The following CDH19 variants were observed in gnomAD, a reference collection of about 807,000 sequenced individuals.
The protein encoded by CDH19 is cadherin-19.
Under a neutral mutation model 64.2 loss-of-function variants are expected in CDH19, and 67 were observed. That is an observed-to-expected ratio of 1.04 (90% confidence interval 0.86 to 1.28). The LOEUF (loss-of-function observed/expected upper bound fraction) is 1.28. Ranked by LOEUF, CDH19 falls within the 50% of genes most tolerant of loss-of-function variation. The pLI is 0.00. For missense variants in CDH19, 1,030 were observed against 929.0 expected (o/e 1.11, Z -1.41); for synonymous variants, 346 against 319.3 (o/e 1.08, Z -0.89).
At chr18:66,567,387 G>A (rs1987948812) in intron 3 of CDH19, among the ~76,000 whole-genome samples, 1 of 151,244 alleles carries the variant, frequency 6.6e-6, no homozygotes, top group Non-Finnish European at 1.5e-5. Flanking sequence ...GAGGGATGAG[G>A]AAGGTGAACT....
In CDH19 at chr18:66,502,225, T is replaced by C. The variant is rs991994461; in HGVS notation, c.*2587A>G. 1.3e-5 allele frequency: 2 copies of C among 152,068 alleles called. No individual in the cohort carries two copies. 9.4% of individuals were successfully genotyped at this position (152,068 alleles called of 1,614,324 possible). A position where few individuals can be genotyped will look rare whatever the true frequency, so the allele number is the denominator to read the frequency against. ...CTGTATTAGAATCAGATAGTATCTT[T>C]TGATGTGGTTAAAAGGAACATATTT... On this transcript the variant is annotated 3_prime_UTR_variant, in exon 12 of 12. Coordinates refer to ENST00000262150, the MANE Select transcript of CDH19 (RefSeq NM_021153.4).
chr18:66,524,243 A>G (rs1986119675), intron 9 of CDH19, among the ~76,000 whole-genome samples: 2 of 152,008 alleles, frequency 1.3e-5, no homozygotes, highest in South Asian at 4.1e-4. Flanking sequence ...ACACCTGTAA[A>G]TATTTTTTAA....
At chr18:66,569,271 TCTC>T (rs1988024288) in intron 2 of CDH19, among the ~76,000 whole-genome samples, 1 of 151,730 alleles carries the variant, frequency 6.6e-6, no homozygotes, top group Non-Finnish European at 1.5e-5. Flanking sequence ...CTCAAGTAAT[TCTC>T]ATATCAATAT....
At chr18:66,553,307 G>A (rs2144520213) in intron 4 of CDH19, among the ~76,000 whole-genome samples, 1 of 134,016 alleles carries the variant, frequency 7.5e-6, no homozygotes, top group East Asian at 1.9e-4. Context: ...TTCTAGACCT[G>A]AATGTGTGAG....
intron 3 of CDH19, among the ~76,000 whole-genome samples, chr18:66,565,755 A>T (rs1246027474): frequency 6.6e-6 from 1 of 152,014 alleles, no homozygotes; most frequent in African/African-American, 2.4e-5. Context: ...GCAAAGCAAT[A>T]GAAATATTCC....
chr18:66,543,954 T>G lies in CDH19; in HGVS notation c.1214+17A>C. On this transcript the variant is annotated intron_variant, in intron 7 of 11. Coordinates refer to ENST00000262150, the MANE Select transcript of CDH19 (RefSeq NM_021153.4). ...ATTTACTTATTTATTAATGCAAAACTGACCTTACAGACATACCTGATAGGA... is the reference window on the plus strand; with the variant it reads ...ATTTACTTATTTATTAATGCAAAACGGACCTTACAGACATACCTGATAGGA... 3 of 1,563,710 alleles carry G rather than the reference T, an allele frequency of 1.9e-6. No homozygotes were observed. Among genetic ancestry groups the G allele is most frequent in the Non-Finnish European group, 2.6e-6 (3 of 1,154,518 alleles).
At chr18:66,583,680 C>T (rs2069048866) in intron 1 of CDH19, among the ~76,000 whole-genome samples, 1 of 152,004 alleles carries the variant, frequency 6.6e-6, no homozygotes, top group Non-Finnish European at 1.5e-5. Context: ...ACCAAGGAAA[C>T]AGAATACAGA....
rs1221560248 is a variant in CDH19, at chr18:66,509,159, T to C, written c.1664A>G (p.Asn555Ser). ...TGTACTTGTAAGTGACGGGATTCCATTGTCGGCAATTAAGATGGAGATGTA... is the reference window on the plus strand; with the variant it reads ...TGTACTTGTAAGTGACGGGATTCCACTGTCGGCAATTAAGATGGAGATGTA... ...VFYISILIAD[N>S]GIPSLTSTNT... Residue 555 changes from asparagine to serine, a missense_variant, in exon 11 of 12, where the codon AAT becomes AGT. By Grantham distance (46) the Asn-to-Ser change is conservative. Coordinates refer to ENST00000262150, the MANE Select transcript of CDH19 (RefSeq NM_021153.4). 2 of 1,612,906 alleles carry C rather than the reference T, an allele frequency of 1.2e-6. No individual in the cohort carries two copies. The highest frequency in any genetic ancestry group is 2.2e-5 in the East Asian group (1 of 44,842).
At position 66,544,020 on chromosome 18, in the gene CDH19, C is replaced by A. The variant is rs746129602; in HGVS notation, c.1165G>T (p.Val389Leu). 3 of 1,613,728 alleles carry A rather than the reference C, an allele frequency of 1.9e-6. No homozygotes were observed. The highest frequency in any genetic ancestry group is 2.5e-6 in the Non-Finnish European group (3 of 1,179,662). ...VFEETPQGSF[V>L]GVVSATDPDN... is the part of the protein sequence containing the mutation. Reference sequence around the variant, plus strand: ...GGGTCTGTGGCAGACACCACGCCTACAAATGATCCCTGTGGGGTTTCTTCA... The same window carrying A: ...GGGTCTGTGGCAGACACCACGCCTAAAAATGATCCCTGTGGGGTTTCTTCA... The change falls in exon 7 of 12, where the codon GTA becomes TTA. Residue 389 changes from valine to leucine, a missense_variant. By Grantham distance (32) the Val-to-Leu change is conservative. Transcript: ENST00000262150.
At chr18:66,600,646 T>C (rs1260542149) in intron 1 of CDH19, among the ~76,000 whole-genome samples, 1 of 151,916 alleles carries the variant, frequency 6.6e-6, no homozygotes, top group African/African-American at 2.4e-5. Flanking sequence ...ATGAAAGTTT[T>C]ATAAATAATT....
chr18:66,526,209 A>G (rs555643793), intron 9 of CDH19, among the ~76,000 whole-genome samples: 20 of 152,242 alleles, frequency 1.3e-4, no homozygotes, highest in Non-Finnish European at 2.1e-4. Context: ...GCTACATTAT[A>G]TGATGTTGAG....
rs1361354606 is a variant in CDH19 at position 66,511,653 on chromosome 18, A to G, written c.1491T>C (p.Asp497=). The change falls in exon 10 of 12, where the codon GAT becomes GAC. Residue 497 remains aspartate (D), a synonymous_variant. Coordinates refer to ENST00000262150, the MANE Select transcript of CDH19 (RefSeq NM_021153.4). ...VIQTISAVDR[D]ESIEEHHFYF... ...AAAAATGGTGCTCTTCTATGGATTC[A>G]TCTCTATCCACTGCACTGATAGTCT... 2.5e-6 allele frequency: 4 copies of G among 1,574,812 alleles called. No homozygotes were observed. Among genetic ancestry groups the G allele is most frequent in the South Asian group, 2.2e-5 (2 of 90,094 alleles).
At chr18:66,603,404 G>C (rs970316316) in intron 1 of CDH19, among the ~76,000 whole-genome samples, 1 of 151,422 alleles carries the variant, frequency 6.6e-6, no homozygotes, top group South Asian at 2.1e-4. Context: ...TAATATGCCT[G>C]TACAATTTTA....
chr18:66,598,055 A>T (rs1336632959), intron 1 of CDH19, among the ~76,000 whole-genome samples: 2 of 152,160 alleles, frequency 1.3e-5, no homozygotes, highest in Admixed American at 6.5e-5. Flanking sequence ...AAATATTCCA[A>T]ATATCACTAA....
chr18:66,576,351 T>A (rs1431143791), intron 1 of CDH19, among the ~76,000 whole-genome samples: 4 of 151,468 alleles, frequency 2.6e-5, no homozygotes, highest in Non-Finnish European at 5.9e-5. Context: ...ACATATATCT[T>A]GCTCAACTCT....
chr18:66,574,566 T>C (rs1309280522), intron 1 of CDH19, among the ~76,000 whole-genome samples: 2 of 151,564 alleles, frequency 1.3e-5, no homozygotes, highest in South Asian at 2.1e-4. Flanking sequence ...AGAAACAAGT[T>C]AAAAAATTAA....
intron 10 of CDH19, among the ~76,000 whole-genome samples, chr18:66,511,288 C>A (rs1985468241): frequency 6.6e-6 from 1 of 151,566 alleles, no homozygotes; most frequent in Admixed American, 6.6e-5. Flanking sequence ...GTCAGAACTG[C>A]AATTATATTC....
intron 2 of CDH19, among the ~76,000 whole-genome samples, chr18:66,568,920 T>C (rs977289917): frequency 6.6e-6 from 1 of 151,766 alleles, no homozygotes; most frequent in African/African-American, 2.4e-5. Flanking sequence ...TAAAGAACTA[T>C]ACACATTTCA....
At chr18:66,556,560 T>G (rs1441025397) in intron 3 of CDH19, among the ~76,000 whole-genome samples, 2 of 151,842 alleles carry the variant, frequency 1.3e-5, no homozygotes, top group Admixed American at 6.6e-5. Context: ...TAGCATAATG[T>G]CCCCCAGGCT....
Sources: gnomAD v4.1 joint callset for allele counts (sites outside exome capture counted in the v4.1 genomes callset) on GRCh38, gnomAD v4.1.1 for gene constraint, MANE v1.5 for transcripts, NCBI Gene and HGNC (gene_info 2026-07-23, HGNC 2026-07-21) for gene names.